The following CPPED1 variants were observed in gnomAD, a reference collection of about 807,000 sequenced individuals.
CPPED1 encodes the protein serine/threonine-protein phosphatase CPPED1.
In CPPED1, 28 loss-of-function variants were observed where a neutral mutation model predicts 28.0. The ratio of observed to expected loss-of-function variants is 1.00; its 90% confidence interval spans 0.74 to 1.37. CPPED1 has a LOEUF of 1.37. Among genes scored for constraint, CPPED1 ranks in the 40% most tolerant of loss-of-function variants. The probability of loss-of-function intolerance (pLI) is 0.00; values close to 1 mark genes in which losing one functional copy is unlikely to be tolerated. For missense variants in CPPED1, 504 were observed against 416.5 expected, an observed-to-expected ratio of 1.21 and a Z score of -1.83; for synonymous variants, 198 against 180.2, an observed-to-expected ratio of 1.10 and a Z score of -0.79.
chr16:12,670,038 C>A lies in CPPED1; in HGVS notation c.716-4923G>T, dbSNP rs919087223. Among the ~76,000 whole-genome samples, 48 of 152,192 alleles carry A rather than the reference C, an allele frequency of 3.2e-4. 1 individual carries two copies. The highest frequency in any genetic ancestry group is 1.1e-3 in the African/African-American group (47 of 41,438). ...AGGCGGCCAGGCACATTGACTCATGCCTGCAATCCCAGCACTTTGGGAGGC... is the reference window on the plus strand; with the variant it reads ...AGGCGGCCAGGCACATTGACTCATGACTGCAATCCCAGCACTTTGGGAGGC... On this transcript the variant is annotated intron_variant, in intron 3 of 3. Transcript: ENST00000381774. The surrounding 1 kb of genome is among the most constrained non-coding windows in gnomAD (Gnocchi z 4.2).
intron 3 of CPPED1, among the ~76,000 whole-genome samples, chr16:12,685,474 GATAATAATAGCA>G (rs1425239117): frequency 1.3e-5 from 2 of 152,110 alleles, no homozygotes; most frequent in African/African-American, 2.4e-5. Context: ...TGAATAAAAT[GATAATAATAGCA>G]ATAATAATAG....
intron 3 of CPPED1, among the ~76,000 whole-genome samples, chr16:12,677,246 A>G (rs930952225): frequency 6.6e-6 from 1 of 152,240 alleles, no homozygotes; most frequent in African/African-American, 2.4e-5. Context: ...ATTCCAGTTC[A>G]GATTCTGGCT....
At chr16:12,687,058 T>C (rs1288282934) in intron 3 of CPPED1, among the ~76,000 whole-genome samples, 2 of 152,182 alleles carry the variant, frequency 1.3e-5, no homozygotes, top group African/African-American at 4.8e-5. Context: ...GCATTTAGGA[T>C]GTAAGCACTT....
At chr16:12,703,518 C>T (rs1271269796) in intron 3 of CPPED1, among the ~76,000 whole-genome samples, 2 of 152,100 alleles carry the variant, frequency 1.3e-5, no homozygotes, top group Non-Finnish European at 1.5e-5. Context: ...CCCATCTCTA[C>T]TAAAAGTACA....
chr16:12,676,233 G>C (rs2079877121), intron 3 of CPPED1, among the ~76,000 whole-genome samples: 1 of 152,180 alleles, frequency 6.6e-6, no homozygotes. Flanking sequence ...TCTTCAGTTA[G>C]CTTGAGACAA....
At chr16:12,743,979 A>G (rs1280797139) in intron 2 of CPPED1, among the ~76,000 whole-genome samples, 1 of 151,564 alleles carries the variant, frequency 6.6e-6, no homozygotes, top group African/African-American at 2.4e-5. Context: ...AACCAAAAAG[A>G]AAGAAAGAAA....
intron 2 of CPPED1, among the ~76,000 whole-genome samples, chr16:12,710,064 GTC>G (rs1327665284): frequency 3.3e-5 from 5 of 152,100 alleles, no homozygotes; most frequent in African/African-American, 1.2e-4. Context: ...AAAGAAATCA[GTC>G]AATTCTCAGA....
intron 2 of CPPED1, among the ~76,000 whole-genome samples, chr16:12,736,799 A>G (rs564810546): frequency 6.6e-6 from 1 of 152,336 alleles, no homozygotes; most frequent in South Asian, 2.1e-4. Flanking sequence ...CAGTGCAGCT[A>G]ATAGGTAAAG....
chr16:12,799,922 TCTC>T (rs1399201084), intron 1 of CPPED1, among the ~76,000 whole-genome samples: 2 of 152,170 alleles, frequency 1.3e-5, no homozygotes, highest in Admixed American at 1.3e-4. Context: ...AGAGTCACTC[TCTC>T]CTCCTATCAG....
At chr16:12,711,851 C>A (rs2080081722) in intron 2 of CPPED1, among the ~76,000 whole-genome samples, 1 of 152,114 alleles carries the variant, frequency 6.6e-6, no homozygotes, top group African/African-American at 2.4e-5. Context: ...TAAATGAGAT[C>A]ATGTATTTAA....
Position 12,678,546 on chromosome 16 carries a change from C to G in CPPED1, c.716-13431G>C, listed in dbSNP as rs139896906. Among the ~76,000 whole-genome samples the G allele has an allele frequency of 6.8e-4, 104 of 152,242 alleles. 1 individual carries two copies. Among genetic ancestry groups the G allele is most frequent in the African/African-American group, 2.4e-3 (98 of 41,542 alleles). ...CAATCCATGAACATGGTCTACTTTTCCATTTACTCAGGTCTTTTAAAATTA... is the reference window on the plus strand; with the variant it reads ...CAATCCATGAACATGGTCTACTTTTGCATTTACTCAGGTCTTTTAAAATTA... On this transcript the variant is annotated intron_variant, in intron 3 of 3. Transcript: ENST00000381774.
chr16:12,739,386 G>C (rs902532043), intron 2 of CPPED1, among the ~76,000 whole-genome samples: 2 of 151,956 alleles, frequency 1.3e-5, no homozygotes, highest in African/African-American at 4.8e-5. Flanking sequence ...TCAAGACCAG[G>C]TTGGCCAACA....
chr16:12,696,492 A>G (rs1485897056), intron 3 of CPPED1, among the ~76,000 whole-genome samples: 5 of 147,310 alleles, frequency 3.4e-5, no homozygotes, highest in East Asian at 3.9e-4. Context: ...CCAGGGTGGA[A>G]TGCAGTGGCG....
chr16:12,732,347 A>G (rs2141205918), intron 2 of CPPED1, among the ~76,000 whole-genome samples: 1 of 107,798 alleles, frequency 9.3e-6, no homozygotes, highest in East Asian at 2.3e-4. Context: ...TGAGCAAGGA[A>G]GTGAAAAAAA....
chr16:12,735,971 G>T (rs1032470647), intron 2 of CPPED1, among the ~76,000 whole-genome samples: 4 of 152,130 alleles, frequency 2.6e-5, no homozygotes, highest in African/African-American at 7.2e-5. Flanking sequence ...ATTATGGGCC[G>T]TCACTTTAGT....
At chr16:12,686,989 C>T (rs373785760) in intron 3 of CPPED1, among the ~76,000 whole-genome samples, 4 of 152,040 alleles carry the variant, frequency 2.6e-5, no homozygotes, top group African/African-American at 4.8e-5. Flanking sequence ...GCCCATTGCC[C>T]GCTTTCTGAT....
chr16:12,677,669 C>T (rs970342785), intron 3 of CPPED1, among the ~76,000 whole-genome samples: 3 of 152,268 alleles, frequency 2.0e-5, no homozygotes. Context: ...GTGCCACGGT[C>T]GTGTATGTGT....
At chr16:12,743,921 C>T (rs895626068) in intron 2 of CPPED1, among the ~76,000 whole-genome samples, 6 of 151,956 alleles carry the variant, frequency 3.9e-5, no homozygotes, top group African/African-American at 1.2e-4. Flanking sequence ...GGGAGGTTCA[C>T]GTGAGCCAGG....
At chr16:12,699,042 T>C (rs890148151) in intron 3 of CPPED1, among the ~76,000 whole-genome samples, 35 of 152,192 alleles carry the variant, frequency 2.3e-4, no homozygotes, top group African/African-American at 8.2e-4. Flanking sequence ...GGAATCAATA[T>C]TAAATGGGTC....
Sources: gnomAD v4.1 joint callset for allele counts (sites outside exome capture counted in the v4.1 genomes callset) on GRCh38, gnomAD v4.1.1 for gene constraint, Gnocchi (gnomAD v3.1) non-coding constraint, MANE v1.5 for transcripts, NCBI Gene and HGNC (gene_info 2026-07-23, HGNC 2026-07-21) for gene names.